The following PLCB1 variants were observed in gnomAD, a reference collection of about 807,000 sequenced individuals.
PLCB1 encodes 1-phosphatidylinositol 4,5-bisphosphate phosphodiesterase beta-1.
PLCB1 carries 46 observed loss-of-function variants against 161.8 expected under a neutral mutation model. The observed-to-expected ratio is 0.28, with a 90% CI of 0.22 to 0.36. The LOEUF (loss-of-function observed/expected upper bound fraction) is 0.36. PLCB1 is among the 10% of genes least tolerant of loss of function. The pLI is 1.00. For missense variants in PLCB1, 1,016 were observed against 1,472.5 expected (o/e 0.69, Z 5.07); for synonymous variants, 517 against 503.7 (o/e 1.03, Z -0.35).
intron 12 of PLCB1, among the ~76,000 whole-genome samples, chr20:8,712,291 T>C (rs959090852): frequency 6.6e-6 from 1 of 151,808 alleles, no homozygotes; most frequent in Non-Finnish European, 1.5e-5. Context: ...TGAGACTTTG[T>C]CTCAAAAAAA....
At chr20:8,236,345 A>T (rs1280618524) in intron 2 of PLCB1, among the ~76,000 whole-genome samples, 1 of 152,038 alleles carries the variant, frequency 6.6e-6, no homozygotes, top group Non-Finnish European at 1.5e-5. Flanking sequence ...AGCCCAGATA[A>T]CATAGTGAGA....
chr20:8,581,871 C>T (rs1986844779), intron 3 of PLCB1, among the ~76,000 whole-genome samples: 1 of 152,170 alleles, frequency 6.6e-6, no homozygotes, highest in Non-Finnish European at 1.5e-5. Flanking sequence ...CCAAATTGGC[C>T]AGAGTAGGCA....
chr20:8,827,321 T>G (rs371782094), intron 31 of PLCB1, among the ~76,000 whole-genome samples: 6 of 152,306 alleles, frequency 3.9e-5, no homozygotes, highest in African/African-American at 9.6e-5. Context: ...TTTCCCTGTG[T>G]TCGCGATGTA....
At chr20:8,338,246 TTAATTATTCACGGAGTTTTGCACATTCA>T (rs1328172358) in intron 2 of PLCB1, among the ~76,000 whole-genome samples, 1 of 152,244 alleles carries the variant, frequency 6.6e-6, no homozygotes, top group Non-Finnish European at 1.5e-5. Flanking sequence ...GAGAGGCATG[TTAATTATTCACGGAGTTTTGCACATTCA>T]TAAGGAAAGC....
At chr20:8,274,680 AT>A (rs918397619) in intron 2 of PLCB1, among the ~76,000 whole-genome samples, 2 of 151,984 alleles carry the variant, frequency 1.3e-5, no homozygotes, top group Non-Finnish European at 1.5e-5. Context: ...TATTTTTTTA[AT>A]ATTTTTAGGA....
At chr20:8,189,580 T>C (rs915632332) in intron 2 of PLCB1, among the ~76,000 whole-genome samples, 3 of 152,008 alleles carry the variant, frequency 2.0e-5, no homozygotes, top group Non-Finnish European at 4.4e-5. Flanking sequence ...TATCTAGTCA[T>C]AGAAAACACA....
chr20:8,680,854 G>T (rs1018328407), intron 9 of PLCB1, among the ~76,000 whole-genome samples: 7 of 151,514 alleles, frequency 4.6e-5, no homozygotes, highest in Non-Finnish European at 1.0e-4. Flanking sequence ...GATAATAAAG[G>T]TAGAGAAAAT....
At chr20:8,167,961 G>T (rs1482501045) in intron 2 of PLCB1, among the ~76,000 whole-genome samples, 1 of 152,122 alleles carries the variant, frequency 6.6e-6, no homozygotes, top group Non-Finnish European at 1.5e-5. Flanking sequence ...TGCTGATATG[G>T]CTGGCCTCTC....
chr20:8,716,092 TG>T, intron 12 of PLCB1, 171 bp from the exon 13 acceptor site: 1 of 613,806 alleles, frequency 1.6e-6, no homozygotes, highest in Non-Finnish European at 3.0e-6. Flanking sequence ...CATCTGTGTA[TG>T]TTATTCAAAT....
At chr20:8,302,222 A>G (rs529345710) in intron 2 of PLCB1, among the ~76,000 whole-genome samples, 1 of 152,312 alleles carries the variant, frequency 6.6e-6, no homozygotes, top group South Asian at 2.1e-4. Flanking sequence ...GCTTTAACCT[A>G]CTGTTTTAGA....
At chr20:8,548,115 T>C (rs1323784150) in intron 3 of PLCB1, among the ~76,000 whole-genome samples, 3 of 150,688 alleles carry the variant, frequency 2.0e-5, no homozygotes, top group Non-Finnish European at 4.4e-5. Context: ...CCCTTCTTCC[T>C]TCCTTTTCTT....
intron 2 of PLCB1, among the ~76,000 whole-genome samples, chr20:8,169,468 G>A (rs1028290437): frequency 6.6e-6 from 1 of 152,096 alleles, no homozygotes; most frequent in Non-Finnish European, 1.5e-5. Context: ...GCTGATAGGT[G>A]CTTCACAACT....
intron 3 of PLCB1, among the ~76,000 whole-genome samples, chr20:8,384,685 C>T (rs1054463649): frequency 2.6e-5 from 4 of 152,120 alleles, no homozygotes; most frequent in African/African-American, 9.7e-5. Context: ...TTTGAGGCTG[C>T]TGACCCTTGG....
At chr20:8,756,628 C>G (rs1038452680) in intron 23 of PLCB1, among the ~76,000 whole-genome samples, 2 of 152,204 alleles carry the variant, frequency 1.3e-5, no homozygotes, top group African/African-American at 4.8e-5. Flanking sequence ...TGACTCAGCT[C>G]TCTTCCAGAA....
intron 2 of PLCB1, among the ~76,000 whole-genome samples, chr20:8,235,382 G>A (rs1453063762): frequency 3.3e-5 from 5 of 152,012 alleles, no homozygotes; most frequent in Admixed American, 3.3e-4. Context: ...ATGTAAGAAT[G>A]TTTTATTATT....
At chr20:8,334,589 A>T (rs1437124156) in intron 2 of PLCB1, among the ~76,000 whole-genome samples, 1 of 152,232 alleles carries the variant, frequency 6.6e-6, no homozygotes, top group Non-Finnish European at 1.5e-5. Context: ...GGTCAAGTAA[A>T]TAACTGGTTT....
At chr20:8,395,424 A>C (rs1056968672) in intron 3 of PLCB1, among the ~76,000 whole-genome samples, 7 of 152,184 alleles carry the variant, frequency 4.6e-5, no homozygotes, top group Admixed American at 1.3e-4. Flanking sequence ...CTCTTATATT[A>C]GTTCTGTCCT....
At chr20:8,807,530 T>C (rs570602534) in intron 31 of PLCB1, among the ~76,000 whole-genome samples, 41 of 152,244 alleles carry the variant, frequency 2.7e-4, no homozygotes, top group African/African-American at 9.9e-4. Flanking sequence ...GAACCGTGAA[T>C]GCTTTAAGTA....
At chr20:8,261,292 A>G (rs1018093877) in intron 2 of PLCB1, among the ~76,000 whole-genome samples, 1 of 152,062 alleles carries the variant, frequency 6.6e-6, no homozygotes, top group Non-Finnish European at 1.5e-5. Flanking sequence ...AGAACTTCAT[A>G]CACTTGCCGC....
Sources: allele counts gnomAD v4.1 joint callset (sites outside exome capture counted in the v4.1 genomes callset), GRCh38; gene constraint gnomAD v4.1.1; transcripts MANE v1.5; gene names NCBI Gene and HGNC (gene_info 2026-07-23, HGNC 2026-07-21).